The following EXO1 variants were observed in gnomAD, a reference collection of about 807,000 sequenced individuals.
EXO1 encodes exonuclease 1.
EXO1 carries 69 observed loss-of-function variants against 84.5 expected under a neutral mutation model. The observed-to-expected ratio is 0.82, with a 90% confidence interval of 0.67 to 1.00. The LOEUF (loss-of-function observed/expected upper bound fraction) is 1.00. Ranked by LOEUF, EXO1 falls within the 50% of genes least tolerant of loss-of-function variation. EXO1 has a pLI of 0.00. For missense variants in EXO1, 1,045 were observed against 1,000.7 expected (o/e 1.04, Z -0.60); for synonymous variants, 373 against 366.1 (o/e 1.02, Z -0.21).
rs557335631 is a variant in EXO1, at chr1:241,852,521, T to C, written c.281+110T>C. ...TAAGCCAGGCTCAGTGGCTTGCACC[T>C]GTTGTCCTAGGTACTCGGGAGGTTG... On this transcript the variant is annotated intron_variant, in intron 5 of 15. Coordinates refer to ENST00000366548, the MANE Select transcript of EXO1 (RefSeq NM_130398.4). The C allele has an allele frequency of 6.3e-5, 59 of 938,500 alleles. No homozygotes were observed. In the African/African-American group the frequency reaches 8.2e-4, roughly 13 times the overall value. 58.1% of individuals were successfully genotyped at this position (938,500 alleles called of 1,614,324 possible).
intron 11 of EXO1, among the ~76,000 whole-genome samples, chr1:241,868,563 G>A (rs963359142): frequency 5.9e-5 from 9 of 152,292 alleles, no homozygotes; most frequent in African/African-American, 1.9e-4. Context: ...ATCTATTCAG[G>A]AGGCTGAGGT....
chr1:241,860,634 A>T lies in EXO1; in HGVS notation c.874A>T (p.Lys292Ter). ...CTATCAGCTAGTTTTTGATCCCATC[A>T]AAAGGAAACTTATTCCTCTGAACGC... The part of the protein sequence containing the change: ...FLYQLVFDPI[K>*]RKLIPLNAYE... The change falls in exon 9 of 16, where the codon AAA becomes TAA. Residue 292 changes from lysine to a stop codon, truncating the protein, a stop_gained. Transcript: ENST00000366548. LOFTEE classifies it high-confidence loss of function. 1 of 1,614,090 alleles carries T rather than the reference A, an allele frequency of 6.2e-7. No individual in the cohort carries two copies. The highest frequency in any genetic ancestry group is 8.5e-7 in the Non-Finnish European group (1 of 1,179,936).
chr1:241,867,168 G>A (rs1278821297), intron 11 of EXO1, 113 bp downstream of exon 11: 1 of 793,812 alleles, frequency 1.3e-6, no homozygotes, highest in Admixed American at 2.0e-5. Context: ...AAGTTTTATA[G>A]TTGTATTAGT....
At chr1:241,864,505 G>C (rs555089063) in intron 10 of EXO1, among the ~76,000 whole-genome samples, 1 of 152,336 alleles carries the variant, frequency 6.6e-6, no homozygotes, top group East Asian at 1.9e-4. Context: ...TCTGAAGGCA[G>C]GTAGATGTTT....
chr1:241,876,967 G>A (rs1662439458), intron 12 of EXO1, among the ~76,000 whole-genome samples: 2 of 152,192 alleles, frequency 1.3e-5, no homozygotes. Flanking sequence ...TGTTGTGAAG[G>A]TAAATAGAAA....
intron 12 of EXO1, among the ~76,000 whole-genome samples, chr1:241,873,275 G>A (rs1662216892): frequency 6.6e-6 from 1 of 152,132 alleles, no homozygotes; most frequent in Non-Finnish European, 1.5e-5. Context: ...CAGTGATGAT[G>A]AGCCTTGAAT....
intron 12 of EXO1, among the ~76,000 whole-genome samples, chr1:241,874,025 G>A (rs1662259314): frequency 6.6e-6 from 1 of 152,188 alleles, no homozygotes; most frequent in Non-Finnish European, 1.5e-5. Flanking sequence ...GGTGAGGGGA[G>A]CAGAAATAGG....
intron 14 of EXO1, among the ~76,000 whole-genome samples, chr1:241,884,005 A>G (rs1305073487): frequency 6.6e-6 from 1 of 152,172 alleles, no homozygotes; most frequent in African/African-American, 2.4e-5. Flanking sequence ...CCTGATACCC[A>G]TCTTTAATAC....
At chr1:241,885,122 G>A (rs1662976764) in intron 14 of EXO1, among the ~76,000 whole-genome samples, 192 bp from the exon 15 acceptor site, 1 of 151,998 alleles carries the variant, frequency 6.6e-6, no homozygotes, top group Admixed American at 6.6e-5. Flanking sequence ...CAGGAGAATG[G>A]CGTCAACCCG....
chr1:241,872,354 GAATT>G (rs1166122817), intron 12 of EXO1, 76 bp downstream of exon 12: 87 of 1,496,252 alleles, frequency 5.8e-5, no homozygotes, highest in Non-Finnish European at 7.5e-5. Context: ...TCTTTTTTTA[GAATT>G]AATTTATTTA....
rs1428698092 is a variant in EXO1, at chr1:241,866,823, T to C, written c.1042-7T>C. 1.3e-6 allele frequency: 2 copies of C among 1,587,968 alleles called. No homozygotes were observed. Among genetic ancestry groups the C allele is most frequent in the Non-Finnish European group, 1.7e-6 (2 of 1,156,308 alleles). On this transcript the variant is annotated splice_polypyrimidine_tract_variant and splice_region_variant and intron_variant, in intron 10 of 15. Transcript: ENST00000366548. ...TGCAAATAATCTTTTTCCTTTTCCT[T>C]TTCTAGCCTGCCCATTCAAGAAGTC...
At chr1:241,856,859 T>C (rs966217039) in intron 6 of EXO1, among the ~76,000 whole-genome samples, 6 of 152,082 alleles carry the variant, frequency 3.9e-5, no homozygotes, top group African/African-American at 9.7e-5. Context: ...GGCAAAACCT[T>C]GTCTCTACAA....
In EXO1 at chr1:241,852,320, A is replaced by C. The variant is rs370831732; in HGVS notation, c.190A>C (p.Asn64His). ...RYVGFCMKFV[N>H]MLLSHGIKPI... is the part of the protein sequence containing the mutation. Reference sequence around the variant, plus strand: ...TGTAGGATTTTGTATGAAATTTGTAAATATGTTACTATCTCATGGGATCAA... The same window carrying C: ...TGTAGGATTTTGTATGAAATTTGTACATATGTTACTATCTCATGGGATCAA... Residue 64 changes from asparagine (N) to histidine (H), a missense_variant, in exon 5 of 16, where the codon AAT becomes CAT. By Grantham distance (68) the Asn-to-His change is moderately conservative (BLOSUM62 1). Coordinates refer to ENST00000366548, the MANE Select transcript of EXO1 (RefSeq NM_130398.4). The C allele has an allele frequency of 1.3e-6, 2 of 1,598,540 alleles. No homozygotes were observed. The highest frequency in any genetic ancestry group is 1.7e-6 in the Non-Finnish European group (2 of 1,166,556).
intron 14 of EXO1, among the ~76,000 whole-genome samples, chr1:241,884,081 A>G (rs147910288): frequency 5.8e-4 from 89 of 152,320 alleles, no homozygotes; most frequent in Non-Finnish European, 1.0e-3. Context: ...TATCTATTAA[A>G]TAAAATTATA....
Position 241,850,502 on chromosome 1 carries a change from T to C in EXO1, c.77T>C (p.Val26Ala). 1 of 1,613,928 alleles carries C rather than the reference T, an allele frequency of 6.2e-7. No homozygotes were observed. The highest frequency in any genetic ancestry group is 1.3e-5 in the African/African-American group (1 of 75,048). ...PIHVRKYKGQVVAVDTYCWLH... is the reference protein window; with the variant it reads ...PIHVRKYKGQAVAVDTYCWLH... ...CATGTGAGGAAGTATAAAGGGCAGG[T>C]AGTAGCTGTGGATACATATTGCTGG... The change falls in exon 4 of 16, where the codon GTA becomes GCA. Residue 26 changes from valine to alanine, a missense_variant. By Grantham distance (64) the Val-to-Ala change is moderately conservative. Coordinates refer to ENST00000366548, the MANE Select transcript of EXO1 (RefSeq NM_130398.4).
chr1:241,855,517 C>T (rs1485658388), intron 6 of EXO1, among the ~76,000 whole-genome samples: 1 of 152,258 alleles, frequency 6.6e-6, no homozygotes, highest in African/African-American at 2.4e-5. Flanking sequence ...CAGCTGGCTT[C>T]ACCCAGTGGA....
At chr1:241,863,700 C>T (rs1368348375) in intron 10 of EXO1, among the ~76,000 whole-genome samples, 2 of 152,154 alleles carry the variant, frequency 1.3e-5, no homozygotes, top group Non-Finnish European at 2.9e-5. Flanking sequence ...TGATGTAAAC[C>T]TTACACTCAG....
chr1:241,879,190 G>T lies in EXO1; in HGVS notation c.1956G>T (p.Ser652=). The change falls in exon 13 of 16, where the codon TCG becomes TCT. Residue 652 remains serine, a synonymous_variant. Coordinates refer to ENST00000366548, the MANE Select transcript of EXO1 (RefSeq NM_130398.4). ...SLPENNMSDV[S]QLKSEESSDD... The stretch of plus-strand genomic sequence containing the variant: ...CTGAGAATAATATGTCTGATGTGTC[G>T]CAGTTAAAGAGCGAGGAGTCCAGTG... 2 of 1,604,060 alleles carry T rather than the reference G, an allele frequency of 1.2e-6. No individual in the cohort carries two copies. The highest frequency in any genetic ancestry group is 1.7e-6 in the Non-Finnish European group (2 of 1,172,132).
intron 14 of EXO1, among the ~76,000 whole-genome samples, chr1:241,885,050 A>G (rs1662971553): frequency 6.6e-6 from 1 of 151,900 alleles, no homozygotes; most frequent in Non-Finnish European, 1.5e-5. Flanking sequence ...TACTAAAAAT[A>G]TAAAAAATTA....
Sources: allele counts gnomAD v4.1 joint callset (sites outside exome capture counted in the v4.1 genomes callset), GRCh38; gene constraint gnomAD v4.1.1; transcripts MANE v1.5; gene names NCBI Gene and HGNC (gene_info 2026-07-23, HGNC 2026-07-21).